The following GALNT16 variants were observed in gnomAD, a reference collection of about 807,000 sequenced individuals.
GALNT16 encodes UDP-GalNAc:polypeptide N-acetylgalactosaminyltransferase-like protein 1.
A neutral mutation model predicts 76.1 loss-of-function variants in GALNT16; 40 were observed. That is an observed-to-expected ratio of 0.53 (90% CI 0.41 to 0.68). GALNT16 has a LOEUF of 0.68. GALNT16 is among the 30% of genes least tolerant of loss of function. The pLI is 0.00. For synonymous variants in GALNT16, 276 were observed against 285.2 expected (o/e 0.97, Z 0.32); for missense variants, 621 against 731.9 (o/e 0.85, Z 1.75).
At position 69,347,994 on chromosome 14, in the gene GALNT16, G is replaced by A; in HGVS notation, c.1531G>A (p.Gly511Ser). Residue 511 changes from glycine to serine, a missense_variant, in exon 14 of 15, where the codon GGC becomes AGC. Physicochemically the swap from Gly to Ser is moderately conservative, Grantham distance 56. Coordinates refer to ENST00000448469, the MANE Select transcript of GALNT16 (RefSeq NM_001168368.2). ...VILQMCNPRE[G>S]KQKWRRKGSF... Reference sequence around the variant, plus strand: ...ACTGCAGATGTGCAACCCTAGAGAAGGCAAGCAGGTGAGTCTCCTTGCCTC... The same window carrying A: ...ACTGCAGATGTGCAACCCTAGAGAAAGCAAGCAGGTGAGTCTCCTTGCCTC... 1 of 1,614,074 alleles carries A rather than the reference G, an allele frequency of 6.2e-7. No individual in the cohort carries two copies.
At chr14:69,285,038 C>CTTTTTTTTTTTT in intron 1 of GALNT16, among the ~76,000 whole-genome samples, 1 of 130,460 alleles carries the variant, frequency 7.7e-6, no homozygotes, top group Non-Finnish European at 1.6e-5. Flanking sequence ...GTCTCGGGCA[C>CTTTTTTTTTTTT]TCTTTTTTTT....
intron 12 of GALNT16, among the ~76,000 whole-genome samples, chr14:69,342,528 A>AG (rs2045506776): frequency 1.1e-5 from 1 of 93,186 alleles, no homozygotes; most frequent in Admixed American, 1.1e-4. Context: ...GGAGAGGGAG[A>AG]GGAAAAGAAA....
intron 1 of GALNT16, among the ~76,000 whole-genome samples, chr14:69,294,243 T>C (rs1350237666): frequency 6.6e-6 from 1 of 152,076 alleles, no homozygotes; most frequent in Admixed American, 6.5e-5. Context: ...TGCCTCAGCC[T>C]CCCAAGTAGC....
chr14:69,287,008 ATCT>A (rs1054924001), intron 1 of GALNT16, among the ~76,000 whole-genome samples: 4 of 152,186 alleles, frequency 2.6e-5, no homozygotes, highest in Non-Finnish European at 4.4e-5. Flanking sequence ...AACACACGGC[ATCT>A]TCTTGACCAG....
At chr14:69,323,725 G>T (rs781323158) in intron 2 of GALNT16, among the ~76,000 whole-genome samples, 1 of 152,188 alleles carries the variant, frequency 6.6e-6, no homozygotes, top group South Asian at 2.1e-4. Flanking sequence ...TTTCCCCCAG[G>T]GGGGTCCCAG....
intron 1 of GALNT16, among the ~76,000 whole-genome samples, chr14:69,288,697 C>T (rs749460683): frequency 5.9e-5 from 9 of 152,162 alleles, no homozygotes; most frequent in South Asian, 2.1e-4. Context: ...AACTTCCAGT[C>T]GGTTTCAATC....
chr14:69,374,403 G>A, the GALNT16 span, among the ~76,000 whole-genome samples: 1 of 152,136 alleles, frequency 6.6e-6, no homozygotes, highest in African/African-American at 2.4e-5. Context: ...TGCCATTTAT[G>A]TGCCTTGTTC....
chr14:69,322,548 G>C (rs924673596), intron 2 of GALNT16, among the ~76,000 whole-genome samples: 1 of 152,236 alleles, frequency 6.6e-6, no homozygotes, highest in Non-Finnish European at 1.5e-5. Flanking sequence ...TTAAATCCAG[G>C]GTAGTGGTGG....
chr14:69,312,038 T>TA (rs67438255), intron 1 of GALNT16, among the ~76,000 whole-genome samples: 2,347 of 125,792 alleles, frequency 0.019, 67 homozygotes, highest in African/African-American at 0.052. Flanking sequence ...ATCCTGTTTC[T>TA]AAAAAAAAAA....
intron 1 of GALNT16, among the ~76,000 whole-genome samples, chr14:69,314,122 G>T (rs139862444): frequency 6.6e-6 from 1 of 152,224 alleles, no homozygotes; most frequent in Non-Finnish European, 1.5e-5. Context: ...ATCTTCCCAC[G>T]TGATTCTAAT....
At chr14:69,282,383 G>A (rs114330621) in intron 1 of GALNT16, among the ~76,000 whole-genome samples, 107 of 152,158 alleles carry the variant, frequency 7.0e-4, no homozygotes, top group Middle Eastern at 3.4e-3. Flanking sequence ...TCCTGCCCTG[G>A]GCGCTTTGCA....
chr14:69,292,247 C>A (rs753639742), intron 1 of GALNT16, among the ~76,000 whole-genome samples: 1 of 152,352 alleles, frequency 6.6e-6, no homozygotes, highest in African/African-American at 2.4e-5. Flanking sequence ...TAGTGAGTGG[C>A]AGAGCCGGGA....
At chr14:69,264,624 T>C (rs2044316523) in intron 1 of GALNT16, among the ~76,000 whole-genome samples, 1 of 152,066 alleles carries the variant, frequency 6.6e-6, no homozygotes, top group African/African-American at 2.4e-5. Context: ...ATGTGTGCAT[T>C]TTGGAACTGT....
chr14:69,373,463 A>C, the GALNT16 span, among the ~76,000 whole-genome samples: 1 of 152,254 alleles, frequency 6.6e-6, no homozygotes, highest in African/African-American at 2.4e-5. Flanking sequence ...TCTGGCACAG[A>C]AAAGGCTTTT....
the GALNT16 span, among the ~76,000 whole-genome samples, chr14:69,382,907 T>C: frequency 2.0e-5 from 3 of 152,286 alleles, no homozygotes; most frequent in East Asian, 5.8e-4. Flanking sequence ...ATAAAATGCC[T>C]AGTCATTGGC....
chr14:69,352,292 T>C lies in GALNT16; in HGVS notation c.*124T>C. ...CATTTCTGCCAGGACCATCAGCAAA[T>C]ACCCACCATGACACACGTTCTCCAA... On this transcript the variant is annotated 3_prime_UTR_variant, in exon 15 of 15. Transcript: ENST00000448469. 1.1e-6 allele frequency: 1 copy of C among 876,954 alleles called. No individual in the cohort carries two copies. The highest frequency in any genetic ancestry group is 1.8e-5 in the South Asian group (1 of 56,008). The allele number at this position is 876,954 out of a possible 1,614,324, so 54.3% of individuals were successfully genotyped here.
In GALNT16 at chr14:69,293,657, C is replaced by A. The variant is rs1464865144; in HGVS notation, c.178-27054C>A. 3.3e-5 allele frequency among the ~76,000 whole-genome samples: 5 copies of A among 152,302 alleles called. No homozygotes were observed. In the East Asian group the frequency reaches 9.7e-4, roughly 29 times the overall value. On this transcript the variant is annotated intron_variant, in intron 1 of 14. Coordinates refer to ENST00000448469, the MANE Select transcript of GALNT16 (RefSeq NM_001168368.2). ...TGCCTGCTAGCTGTGTGACCACAGG[C>A]AAGTCACTTAACCTCTCCGTGCCCA...
the GALNT16 span, among the ~76,000 whole-genome samples, chr14:69,376,700 C>G: frequency 6.6e-6 from 1 of 151,884 alleles, no homozygotes; most frequent in Non-Finnish European, 1.5e-5. Flanking sequence ...TAGCTCTGTT[C>G]CTGAGGAAAC....
chr14:69,348,359 C>T, intron 14 of GALNT16: 1 of 442,854 alleles, frequency 2.3e-6, no homozygotes, highest in Non-Finnish European at 4.0e-6. Context: ...ATCATCTCAT[C>T]TAATCCTCCC....
Sources: gnomAD v4.1 joint callset for allele counts (sites outside exome capture counted in the v4.1 genomes callset) on GRCh38, gnomAD v4.1.1 for gene constraint, MANE v1.5 for transcripts, NCBI Gene and HGNC (gene_info 2026-07-23, HGNC 2026-07-21) for gene names.